CTNND2: variants seen among roughly 807,000 people sequenced by gnomAD.
CTNND2 encodes the protein catenin delta 2, also known as catenin delta-2.
Under a neutral mutation model 144.4 loss-of-function variants are expected in CTNND2, and 22 were observed. The ratio of observed to expected loss-of-function variants is 0.15; its 90% CI spans 0.11 to 0.22. CTNND2 has a LOEUF of 0.22. Among genes scored for constraint, CTNND2 ranks in the 10% least tolerant of loss-of-function variants. CTNND2 has a pLI of 1.00. For missense variants in CTNND2, 1,353 were observed against 1,618.8 expected (o/e 0.84, Z 2.82); for synonymous variants, 751 against 695.6 (o/e 1.08, Z -1.25).
chr5:10,975,853 A>AT (rs1561105573), intron 21 of CTNND2, among the ~76,000 whole-genome samples: 1 of 152,142 alleles, frequency 6.6e-6, no homozygotes, highest in Non-Finnish European at 1.5e-5. Flanking sequence ...TTCTGCTTTC[A>AT]TTTTTTTGGT....
intron 1 of CTNND2, among the ~76,000 whole-genome samples, chr5:11,828,404 C>A (rs1479474039): frequency 2.0e-5 from 3 of 152,086 alleles, no homozygotes; most frequent in Admixed American, 2.0e-4. Context: ...GTGGGAGGCA[C>A]CTGTAATCCC....
intron 1 of CTNND2, among the ~76,000 whole-genome samples, chr5:11,756,100 C>T (rs1788922346): frequency 6.6e-6 from 1 of 151,538 alleles, no homozygotes; most frequent in Admixed American, 6.6e-5. Flanking sequence ...CTTTTTAATG[C>T]TAACATTATG....
At chr5:11,388,591 A>G (rs9312769) in intron 6 of CTNND2, among the ~76,000 whole-genome samples, 2,702 of 152,330 alleles carry the variant, frequency 0.018, 71 homozygotes, top group African/African-American at 0.063. Flanking sequence ...TCTTTGGTTA[A>G]ACAGAGAAAT....
At chr5:11,810,216 G>A (rs961103672) in intron 1 of CTNND2, among the ~76,000 whole-genome samples, 1 of 151,876 alleles carries the variant, frequency 6.6e-6, no homozygotes, top group African/African-American at 2.4e-5. Context: ...TATTAATTTT[G>A]CTAAAGTTGA....
At chr5:11,613,213 G>T (rs942630916) in intron 2 of CTNND2, among the ~76,000 whole-genome samples, 1 of 152,158 alleles carries the variant, frequency 6.6e-6, no homozygotes, top group Admixed American at 6.5e-5. Flanking sequence ...TATTCATATG[G>T]CAATTATTCT....
intron 2 of CTNND2, among the ~76,000 whole-genome samples, chr5:11,684,243 A>C (rs1233725650): frequency 6.6e-6 from 1 of 151,848 alleles, no homozygotes; most frequent in African/African-American, 2.4e-5. Context: ...CTGGGACTAC[A>C]GGCGCTCGCC....
At chr5:11,173,173 C>T (rs1445269384) in intron 11 of CTNND2, among the ~76,000 whole-genome samples, 2 of 152,232 alleles carry the variant, frequency 1.3e-5, no homozygotes, top group Non-Finnish European at 1.5e-5. Flanking sequence ...GTACCCGTGC[C>T]CTCTGGCTTG....
At chr5:11,419,319 C>A (rs1488740754) in intron 3 of CTNND2, among the ~76,000 whole-genome samples, 1 of 152,078 alleles carries the variant, frequency 6.6e-6, no homozygotes, top group Non-Finnish European at 1.5e-5. Flanking sequence ...ATGATTCCTA[C>A]ACTTAGAAAT....
chr5:11,141,498 T>A (rs1477460753), intron 12 of CTNND2, among the ~76,000 whole-genome samples: 1 of 152,188 alleles, frequency 6.6e-6, no homozygotes, highest in African/African-American at 2.4e-5. Flanking sequence ...AGTAAAAATA[T>A]CCTTTGGGGA....
At chr5:10,985,072 T>G (rs2149490701) in intron 20 of CTNND2, among the ~76,000 whole-genome samples, 1 of 119,120 alleles carries the variant, frequency 8.4e-6, no homozygotes, top group South Asian at 3.2e-4. Flanking sequence ...AAACTCCGTC[T>G]CAAAAATAAA....
chr5:11,863,617 C>A (rs1795604994), intron 1 of CTNND2, among the ~76,000 whole-genome samples: 1 of 152,190 alleles, frequency 6.6e-6, no homozygotes, highest in Non-Finnish European at 1.5e-5. Context: ...AATCTGAGCA[C>A]TGGAAGGCCA....
chr5:11,177,005 ACT>A (rs1247329253), intron 11 of CTNND2, among the ~76,000 whole-genome samples: 6 of 152,064 alleles, frequency 3.9e-5, no homozygotes, highest in Non-Finnish European at 5.9e-5. Context: ...TCTTACATAA[ACT>A]CTTAATAAGA....
intron 1 of CTNND2, among the ~76,000 whole-genome samples, chr5:11,773,134 T>C (rs1790043990): frequency 2.0e-5 from 3 of 152,178 alleles, no homozygotes; most frequent in Non-Finnish European, 4.4e-5. Context: ...CAAAACTTCC[T>C]CTCAATCATC....
At chr5:11,439,955 G>A (rs1375817524) in intron 3 of CTNND2, among the ~76,000 whole-genome samples, 1 of 151,768 alleles carries the variant, frequency 6.6e-6, no homozygotes, top group African/African-American at 2.4e-5. Flanking sequence ...ACAGCCTTGA[G>A]CCACCACCAT....
At chr5:11,339,562 T>C (rs1754041005) in intron 9 of CTNND2, among the ~76,000 whole-genome samples, 2 of 152,200 alleles carry the variant, frequency 1.3e-5, no homozygotes, top group Admixed American at 1.3e-4. Context: ...CACTTTGTGG[T>C]AATCTATTAT....
At chr5:11,219,618 G>A (rs2149862279) in intron 10 of CTNND2, among the ~76,000 whole-genome samples, 1 of 152,272 alleles carries the variant, frequency 6.6e-6, no homozygotes, top group South Asian at 2.1e-4. Context: ...GATGGTCCCA[G>A]TGTCATCACA....
intron 2 of CTNND2, among the ~76,000 whole-genome samples, chr5:11,684,506 A>G (rs540990651): frequency 2.4e-4 from 37 of 152,356 alleles, no homozygotes. Context: ...ATTAGGGTAG[A>G]ACATTCAATA....
At chr5:11,817,440 A>G (rs1188287684) in intron 1 of CTNND2, among the ~76,000 whole-genome samples, 2 of 98,580 alleles carry the variant, frequency 2.0e-5, no homozygotes, top group Non-Finnish European at 4.1e-5. Context: ...AGAGAGAGAG[A>G]GAGAGAGAGA....
chr5:11,105,022 G>A (rs150488008), intron 14 of CTNND2, among the ~76,000 whole-genome samples: 220 of 152,318 alleles, frequency 1.4e-3, no homozygotes, highest in Middle Eastern at 3.4e-3. Flanking sequence ...CTGGCATCAC[G>A]AGGCCGGCCA....
Sources: allele counts gnomAD v4.1 joint callset (sites outside exome capture counted in the v4.1 genomes callset), GRCh38; gene constraint gnomAD v4.1.1; transcripts MANE v1.5; gene names NCBI Gene and HGNC (gene_info 2026-07-23, HGNC 2026-07-21).